The following PRDM11 variants were observed in gnomAD, a reference collection of about 807,000 sequenced individuals.
PRDM11 encodes the protein PR domain-containing protein 11.
PRDM11 carries 20 observed loss-of-function variants against 97.8 expected under a neutral mutation model. That is an observed-to-expected ratio of 0.20 (90% CI 0.14 to 0.30). PRDM11 has a LOEUF of 0.30. Among genes scored for constraint, PRDM11 ranks in the 10% least tolerant of loss-of-function variants. The pLI, the probability that PRDM11 is intolerant of heterozygous loss-of-function variation, is 1.00. For missense variants in PRDM11, 1,139 were observed against 1,555.2 expected (o/e 0.73, Z 4.50); for synonymous variants, 599 against 637.7 (o/e 0.94, Z 0.91).
At chr11:45,096,836 C>T (rs1312576026) in intron 1 of PRDM11, among the ~76,000 whole-genome samples, 2 of 152,228 alleles carry the variant, frequency 1.3e-5, no homozygotes, top group African/African-American at 2.4e-5. Flanking sequence ...GAGAAGGGAA[C>T]GTTGTCATTT....
chr11:45,097,849 A>C (rs548479893), intron 1 of PRDM11, among the ~76,000 whole-genome samples: 67 of 152,352 alleles, frequency 4.4e-4, no homozygotes, highest in African/African-American at 1.6e-3. Flanking sequence ...CAGTGGCAGG[A>C]GGAAGTGGGG....
At chr11:45,137,965 C>A (rs185118155) in intron 1 of PRDM11, among the ~76,000 whole-genome samples, 1 of 152,136 alleles carries the variant, frequency 6.6e-6, no homozygotes, top group Non-Finnish European at 1.5e-5. Flanking sequence ...CACACACGTA[C>A]GTGAGAAAGT....
intron 1 of PRDM11, among the ~76,000 whole-genome samples, chr11:45,134,576 G>C (rs886466115): frequency 1.3e-5 from 2 of 151,606 alleles, no homozygotes; most frequent in African/African-American, 4.9e-5. Flanking sequence ...GCACGTGCCT[G>C]TAGTCCCAGC....
intron 1 of PRDM11, among the ~76,000 whole-genome samples, chr11:45,139,855 G>A (rs940804392): frequency 6.6e-5 from 10 of 152,146 alleles, no homozygotes; most frequent in East Asian, 5.8e-4. Context: ...CGTGTCTGAC[G>A]TGTCAATCAG....
intron 5 of PRDM11, among the ~76,000 whole-genome samples, chr11:45,208,351 T>G (rs1343458426): frequency 1.3e-5 from 2 of 152,190 alleles, no homozygotes; most frequent in Non-Finnish European, 2.9e-5. Flanking sequence ...CGGTAGCCAG[T>G]GTAAATAGTT....
At chr11:45,130,415 A>C (rs2135645512) in intron 1 of PRDM11, among the ~76,000 whole-genome samples, 1 of 152,336 alleles carries the variant, frequency 6.6e-6, no homozygotes, top group Admixed American at 6.5e-5. Flanking sequence ...TAAGCACTTC[A>C]CAAGAAAGGA....
At chr11:45,099,753 ATTAAG>A (rs1590335318) in intron 1 of PRDM11, among the ~76,000 whole-genome samples, 1 of 152,196 alleles carries the variant, frequency 6.6e-6, no homozygotes, top group East Asian at 1.9e-4. Context: ...AAACTGTACA[ATTAAG>A]TTATTACTTA....
At chr11:45,225,322 G>T (rs1010562876) in intron 7 of PRDM11, among the ~76,000 whole-genome samples, 3 of 152,168 alleles carry the variant, frequency 2.0e-5, no homozygotes, top group Non-Finnish European at 4.4e-5. Context: ...AGTTCTAGAA[G>T]GATGGAGAGT....
chr11:45,191,958 C>T (rs4755950), intron 4 of PRDM11, among the ~76,000 whole-genome samples: 23,763 of 152,020 alleles, frequency 0.16, 2,282 homozygotes, highest in African/African-American at 0.26. Flanking sequence ...TTTTAAGCCT[C>T]CCATGCATTA....
In PRDM11 at chr11:45,146,798, G is replaced by T. The variant is rs1473865480; in HGVS notation, c.-86G>T. On this transcript the variant is annotated 5_prime_UTR_variant, in exon 1 of 8. Transcript: ENST00000683152. ...CCCTCCGCGGGGGCCGCCAGCCGAG[G>T]CCGCGCCGCCTCCGCCGAGCCGCCC... is the stretch of plus-strand genomic sequence containing the variant. 4.9e-5 allele frequency: 7 copies of T among 143,528 alleles called. No homozygotes were observed. Among genetic ancestry groups the T allele is most frequent in the Non-Finnish European group, 1.1e-4 (7 of 64,330 alleles). 8.9% of individuals were successfully genotyped at this position (143,528 alleles called of 1,614,324 possible).
chr11:45,187,805 T>C (rs1852761034), intron 4 of PRDM11, among the ~76,000 whole-genome samples: 1 of 142,326 alleles, frequency 7.0e-6, no homozygotes, highest in South Asian at 2.3e-4. Flanking sequence ...AGTTCGTGTG[T>C]GTGTGTGTGT....
intron 1 of PRDM11, among the ~76,000 whole-genome samples, chr11:45,173,646 C>G (rs1852258067): frequency 6.7e-6 from 1 of 148,364 alleles, no homozygotes; most frequent in Non-Finnish European, 1.5e-5. Context: ...AAAAAAAGTT[C>G]TGCGGGAGGG....
In PRDM11 at chr11:45,228,151, G is replaced by A. The variant is rs950427942; in HGVS notation, c.3526G>A (p.Asp1176Asn). 11 of 1,518,506 alleles carry A rather than the reference G, an allele frequency of 7.2e-6. No homozygotes were observed. The highest frequency in any genetic ancestry group is 2.3e-4 in the Middle Eastern group (1 of 4,326). 94.1% of individuals were successfully genotyped at this position (1,518,506 alleles called of 1,614,324 possible). A position where few individuals can be genotyped will look rare whatever the true frequency, so the allele number is the denominator to read the frequency against. The change falls in exon 8 of 8, where the codon GAC (aspartate) becomes AAC (asparagine). Residue 1176 changes from aspartate (D) to asparagine (N), a missense_variant. Coordinates refer to ENST00000683152, the MANE Select transcript of PRDM11 (RefSeq NM_001384648.1). ...GGACCACGGGACGGAGTTTTACCCCGACATTTAGGGAGCTGGCGCTGCAGA... is the reference window on the plus strand; with the variant it reads ...GGACCACGGGACGGAGTTTTACCCCAACATTTAGGGAGCTGGCGCTGCAGA... ...TMDHGTEFYP[D>N]I
At chr11:45,184,851 G>A (rs1211982786) in intron 4 of PRDM11, among the ~76,000 whole-genome samples, 3 of 152,120 alleles carry the variant, frequency 2.0e-5, no homozygotes, top group African/African-American at 7.2e-5. Context: ...GGGTGTGGGT[G>A]TGGAGCGCAG....
intron 4 of PRDM11, among the ~76,000 whole-genome samples, chr11:45,199,507 C>A (rs186000398): frequency 6.6e-6 from 1 of 152,324 alleles, no homozygotes; most frequent in South Asian, 2.1e-4. Flanking sequence ...CTAAGGGAGC[C>A]TCTCACCATG....
Position 45,227,974 on chromosome 11 carries a change from A to G in PRDM11, c.3349A>G (p.Ile1117Val), listed in dbSNP as rs1189982109. Residue 1117 changes from isoleucine (I) to valine (V), a missense_variant, in exon 8 of 8, where the codon ATC becomes GTC. By Grantham distance (29) the Ile-to-Val change is conservative. This residue lies in a region of PRDM11 where 710 missense variants were observed against 1,044.9 expected (regional missense o/e 0.68). Transcript: ENST00000683152. The surrounding 1 kb of genome is among the most constrained non-coding windows in gnomAD (Gnocchi z 8.0). ...TLEQLSDLLT[I>V]AVNGPPITNF... The stretch of plus-strand genomic sequence containing the variant: ...GGAGCAGCTTAGCGACCTGTTGACA[A>G]TCGCTGTAAACGGACCGCCAATCAC... 5 of 1,533,852 alleles carry G rather than the reference A, an allele frequency of 3.3e-6. No individual in the cohort carries two copies. Among genetic ancestry groups the G allele is most frequent in the African/African-American group, 1.4e-5 (1 of 73,038 alleles).
chr11:45,155,362 A>G (rs1157696731), intron 1 of PRDM11, among the ~76,000 whole-genome samples: 1 of 152,176 alleles, frequency 6.6e-6, no homozygotes, highest in Non-Finnish European at 1.5e-5. Flanking sequence ...CCCAGAAGGA[A>G]GTGAGCTTCT....
chr11:45,105,221 C>T (rs987734624), intron 1 of PRDM11, among the ~76,000 whole-genome samples: 4 of 152,232 alleles, frequency 2.6e-5, no homozygotes, highest in Non-Finnish European at 4.4e-5. Flanking sequence ...CAACTGTCCT[C>T]ATGGCCTAAT....
At chr11:45,096,733 G>T (rs1394021183) in intron 1 of PRDM11, among the ~76,000 whole-genome samples, 2 of 152,180 alleles carry the variant, frequency 1.3e-5, no homozygotes, top group African/African-American at 4.8e-5. Flanking sequence ...AGGAGATTGT[G>T]CTAGAAGCCT....
Sources: allele counts gnomAD v4.1 joint callset (sites outside exome capture counted in the v4.1 genomes callset), GRCh38; gene constraint gnomAD v4.1.1; regional missense constraint gnomAD v4.1.1; non-coding constraint Gnocchi (gnomAD v3.1); transcripts MANE v1.5; gene names NCBI Gene and HGNC (gene_info 2026-07-23, HGNC 2026-07-21).